The following TAX1BP1 variants were observed in gnomAD, a reference collection of about 807,000 sequenced individuals.
TAX1BP1 encodes Tax1 binding protein 1.
In TAX1BP1, 62 loss-of-function variants were observed where a neutral mutation model predicts 97.7. That is an observed-to-expected ratio of 0.63 (90% CI 0.52 to 0.78). The LOEUF (loss-of-function observed/expected upper bound fraction) is 0.78. TAX1BP1 is among the 30% of genes least tolerant of loss of function. The pLI is 0.00. For synonymous variants in TAX1BP1, 340 were observed against 304.2 expected (o/e 1.12, Z -1.23); for missense variants, 867 against 916.1 (o/e 0.95, Z 0.69).
chr7:27,777,536 G>A (rs1027421707), intron 5 of TAX1BP1, among the ~76,000 whole-genome samples: 1 of 152,070 alleles, frequency 6.6e-6, no homozygotes, highest in African/African-American at 2.4e-5. Flanking sequence ...AGTCCTTTTT[G>A]GGTGATTCTT....
intron 13 of TAX1BP1, among the ~76,000 whole-genome samples, chr7:27,801,445 C>G (rs747839502): frequency 2.0e-5 from 3 of 151,966 alleles, no homozygotes; most frequent in Non-Finnish European, 4.4e-5. Flanking sequence ...TGGAACCTTC[C>G]TTAATTATTT....
chr7:27,795,007 T>C (rs1304220335), intron 11 of TAX1BP1, among the ~76,000 whole-genome samples: 1 of 152,204 alleles, frequency 6.6e-6, no homozygotes, highest in Admixed American at 6.5e-5. Context: ...AGTGAGAACA[T>C]TAATAACATG....
At chr7:27,795,797 C>T (rs916633849) in intron 11 of TAX1BP1, among the ~76,000 whole-genome samples, 7 of 152,158 alleles carry the variant, frequency 4.6e-5, no homozygotes, top group African/African-American at 7.2e-5. Context: ...GGCCTCGACC[C>T]GCCTTGGCCT....
intron 2 of TAX1BP1, among the ~76,000 whole-genome samples, chr7:27,753,054 C>T (rs1788079858): frequency 6.6e-6 from 1 of 152,002 alleles, no homozygotes; most frequent in South Asian, 2.1e-4. Flanking sequence ...AATCCCAGCA[C>T]TTTGGGAGGC....
At chr7:27,766,415 G>A (rs866261238) in intron 4 of TAX1BP1, among the ~76,000 whole-genome samples, 37 of 69,284 alleles carry the variant, frequency 5.3e-4, no homozygotes, top group Admixed American at 1.7e-3. Flanking sequence ...GCGAGACTCC[G>A]TATCAAAAAA....
At position 27,794,416 on chromosome 7, in the gene TAX1BP1, A is replaced by G; in HGVS notation, c.1504A>G (p.Thr502Ala). ...CACAGACCCAGCCACTTCTGCCTCT[A>G]CTGTAGATGTAAAGCCATCACCTTC... ...VNTDPATSAS[T>A]VDVKPSPSAA... Residue 502 changes from threonine to alanine, a missense_variant, in exon 11 of 17, where the codon ACT becomes GCT. Physicochemically the swap from Thr to Ala is moderately conservative, Grantham distance 58 (BLOSUM62 0). This residue lies in a region of TAX1BP1 where 822 missense variants were observed against 851.4 expected (regional missense o/e 0.97). Transcript: ENST00000396319. 1 of 1,611,548 alleles carries G rather than the reference A, an allele frequency of 6.2e-7. No individual in the cohort carries two copies. Among genetic ancestry groups the G allele is most frequent in the South Asian group, 1.1e-5 (1 of 90,372 alleles).
chr7:27,785,641 G>T (rs533311201), intron 7 of TAX1BP1, 152 bp downstream of exon 7: 4 of 656,498 alleles, frequency 6.1e-6, no homozygotes, highest in African/African-American at 5.5e-5. Context: ...TTGGCAAGGG[G>T]TGCAGTCAGC....
chr7:27,804,195 C>T (rs541673509), intron 13 of TAX1BP1, among the ~76,000 whole-genome samples: 1 of 152,288 alleles, frequency 6.6e-6, no homozygotes, highest in African/African-American at 2.4e-5. Flanking sequence ...AGAAGATCCA[C>T]ATAACTCAGT....
chr7:27,776,831 T>A (rs1428074335), intron 5 of TAX1BP1, among the ~76,000 whole-genome samples: 2 of 151,896 alleles, frequency 1.3e-5, no homozygotes, highest in Admixed American at 1.3e-4. Flanking sequence ...GCTTTTTTTT[T>A]AAGTCCCTTT....
intron 13 of TAX1BP1, chr7:27,803,039 C>A: frequency 6.9e-7 from 1 of 1,451,778 alleles, no homozygotes; most frequent in East Asian, 2.5e-5. Context: ...ACAGTATAAA[C>A]CAGATCTCAA....
At chr7:27,764,881 A>G (rs1378724098) in intron 3 of TAX1BP1, among the ~76,000 whole-genome samples, 1 of 149,664 alleles carries the variant, frequency 6.7e-6, no homozygotes, top group Non-Finnish European at 1.5e-5. Context: ...GGAGCTTTTC[A>G]AGTGGGCTCC....
intron 5 of TAX1BP1, among the ~76,000 whole-genome samples, chr7:27,777,185 C>T (rs557935540): frequency 1.8e-4 from 28 of 152,222 alleles, no homozygotes; most frequent in Middle Eastern, 3.4e-3. Flanking sequence ...CTCTGCATGC[C>T]TAGTAATTTT....
chr7:27,785,254 A>G lies in TAX1BP1; in HGVS notation c.704A>G (p.Glu235Gly), dbSNP rs750837337. 3.7e-6 allele frequency: 6 copies of G among 1,613,520 alleles called. No homozygotes were observed. The highest frequency in any genetic ancestry group is 5.1e-6 in the Non-Finnish European group (6 of 1,179,660). Residue 235 changes from glutamate (E) to glycine (G), a missense_variant, in exon 6 of 17, where the codon GAG becomes GGG. This residue lies in a region of TAX1BP1 where 822 missense variants were observed against 851.4 expected (regional missense o/e 0.97). Coordinates refer to ENST00000396319, the MANE Select transcript of TAX1BP1 (RefSeq NM_006024.7). The part of the protein sequence containing the change: ...SDATSKAHQL[E>G]EDIVSVTHKA... Reference sequence around the variant, plus strand: ...GCTACATCCAAAGCCCATCAGCTTGAGGAAGATATTGTGTCAGTAACACAT... The same window carrying G: ...GCTACATCCAAAGCCCATCAGCTTGGGGAAGATATTGTGTCAGTAACACAT...
intron 12 of TAX1BP1, among the ~76,000 whole-genome samples, chr7:27,799,467 G>A (rs1790052726): frequency 6.6e-6 from 1 of 152,056 alleles, no homozygotes; most frequent in African/African-American, 2.4e-5. Context: ...TTATAAATAT[G>A]ACTTTATTTC....
chr7:27,739,449 A>G (rs570990115), upstream of TAX1BP1: 4 of 152,364 alleles, frequency 2.6e-5, no homozygotes, highest in African/African-American at 9.6e-5. Flanking sequence ...CTGAATGTCC[A>G]ATATAGGAAG....
Position 27,764,419 on chromosome 7 carries a change from T to G in TAX1BP1, c.266-1415T>G, listed in dbSNP as rs149547486. Among the ~76,000 whole-genome samples, 28 of 152,356 alleles carry G rather than the reference T, an allele frequency of 1.8e-4. No homozygotes were observed. In the Middle Eastern group the frequency reaches 0.01, roughly 56 times the overall value. ...TTTTCTCATGATTAGATTGAAGTTA[T>G]GCATTTTTGGGAAGAATGCCATAGA... On this transcript the variant is annotated intron_variant, in intron 3 of 16. Transcript: ENST00000396319.
At chr7:27,785,572 A>G in intron 7 of TAX1BP1, 83 bp downstream of exon 7, 1 of 1,151,648 alleles carries the variant, frequency 8.7e-7, no homozygotes, top group Non-Finnish European at 1.3e-6. Flanking sequence ...TCAGCAATTT[A>G]GGAGCAGCTT....
chr7:27,818,400 A>G (rs1790858795), intron 15 of TAX1BP1, among the ~76,000 whole-genome samples: 1 of 152,240 alleles, frequency 6.6e-6, no homozygotes, highest in Non-Finnish European at 1.5e-5. Flanking sequence ...TTGTTGTTAC[A>G]ACAACAAAAA....
Position 27,827,820 on chromosome 7 carries a change from G to T in TAX1BP1, c.2168G>T (p.Ser723Ile), listed in dbSNP as rs1307736073. The change falls in exon 16 of 17, where the codon AGC becomes ATC. Residue 723 changes from serine to isoleucine, a missense_variant and splice_region_variant. Around this residue, in one of 3 missense-constraint regions of TAX1BP1, gnomAD observed 822 missense variants for 851.4 expected, o/e 0.97. Coordinates refer to ENST00000396319, the MANE Select transcript of TAX1BP1 (RefSeq NM_006024.7). ...GHGTGFCFDS[S>I]FDVHKKCPLC... Reference sequence around the variant, plus strand: ...GGGACAGGCTTTTGCTTTGATTCCAGGTAGTTTTCTTCTTTACTTTGTAGA... The same window carrying T: ...GGGACAGGCTTTTGCTTTGATTCCATGTAGTTTTCTTCTTTACTTTGTAGA... 6.2e-7 allele frequency: 1 copy of T among 1,613,086 alleles called. No homozygotes were observed. Among genetic ancestry groups the T allele is most frequent in the Non-Finnish European group, 8.5e-7 (1 of 1,179,604 alleles).
Sources: gnomAD v4.1 joint callset for allele counts (sites outside exome capture counted in the v4.1 genomes callset) on GRCh38, gnomAD v4.1.1 for gene constraint, gnomAD v4.1.1 regional missense constraint, MANE v1.5 for transcripts, NCBI Gene and HGNC (gene_info 2026-07-23, HGNC 2026-07-21) for gene names.